AUTS2: variants seen among roughly 807,000 people sequenced by gnomAD.
The protein encoded by AUTS2 is activator of transcription and developmental regulator AUTS2.
A neutral mutation model predicts 112.4 loss-of-function variants in AUTS2; 17 were observed. The ratio of observed to expected loss-of-function variants is 0.15; its 90% confidence interval spans 0.10 to 0.23. AUTS2 has a LOEUF of 0.23. AUTS2 is among the 10% of genes least tolerant of loss of function. AUTS2 has a pLI of 1.00. For synonymous variants in AUTS2, 751 were observed against 702.7 expected, an observed-to-expected ratio of 1.07 and a Z score of -1.09; for missense variants, 1,510 against 1,701.6, an observed-to-expected ratio of 0.89 and a Z score of 1.98.
chr7:69,599,632 G>A lies in AUTS2; in HGVS notation c.-22G>A. 1 of 1,276,614 alleles carries A rather than the reference G, an allele frequency of 7.8e-7. No homozygotes were observed. Among genetic ancestry groups the A allele is most frequent in the Non-Finnish European group, 9.9e-7 (1 of 1,013,476 alleles). 79.1% of individuals were successfully genotyped at this position (1,276,614 alleles called of 1,614,324 possible). On this transcript the variant is annotated 5_prime_UTR_variant, in exon 1 of 19. Transcript: ENST00000342771. The surrounding 1 kb of genome is among the most constrained non-coding windows in gnomAD (Gnocchi z 7.0). Reference sequence around the variant, plus strand: ...CCGTAGCCTGTGGCGGGCAAGCGGGGAGACCCCGGCGCAGCAGAACCATGG... The same window carrying A: ...CCGTAGCCTGTGGCGGGCAAGCGGGAAGACCCCGGCGCAGCAGAACCATGG...
intron 2 of AUTS2, among the ~76,000 whole-genome samples, chr7:69,995,045 C>T (rs1366713920): frequency 2.0e-5 from 3 of 152,074 alleles, no homozygotes; most frequent in East Asian, 1.9e-4. Context: ...TTAATAAGCC[C>T]TCTGTTACTG....
chr7:70,320,099 CT>C (rs1462608212), intron 4 of AUTS2, among the ~76,000 whole-genome samples: 1 of 152,146 alleles, frequency 6.6e-6, no homozygotes, highest in Non-Finnish European at 1.5e-5. Context: ...GGGATGCAGA[CT>C]TTTTCTTTTT....
chr7:70,595,905 C>T (rs1563064912), intron 5 of AUTS2, among the ~76,000 whole-genome samples: 1 of 152,158 alleles, frequency 6.6e-6, no homozygotes. Context: ...TTCGGGGCGG[C>T]CCTCCCCGCC....
Position 70,702,045 on chromosome 7 carries a change from T to C in AUTS2, c.742+3425T>C, listed in dbSNP as rs60361269. Among the ~76,000 whole-genome samples, 679 of 152,378 alleles carry C rather than the reference T, an allele frequency of 4.5e-3. 6 individuals are homozygous for C. Among genetic ancestry groups the C allele is most frequent in the African/African-American group, 0.016 (651 of 41,590 alleles). The stretch of plus-strand genomic sequence containing the variant: ...GTATTTATTATCCTCTCTTGCCTAC[T>C]GTAGATCCTTGCTGGTGTCACCAGT... On this transcript the variant is annotated intron_variant, in intron 6 of 18. Transcript: ENST00000342771.
At position 70,790,600 on chromosome 7, in the gene AUTS2, C is replaced by A; in HGVS notation, c.3384C>A (p.His1128Gln). ...AGCCTCACGACTACAGCCACCACCACCACCACCACCACCACCCGCTGTCTG... is the reference window on the plus strand; with the variant it reads ...AGCCTCACGACTACAGCCACCACCAACACCACCACCACCACCCGCTGTCTG... ...DREPHDYSHH[H>Q]HHHHHPLSVD... Residue 1128 changes from histidine to glutamine, a missense_variant, in exon 19 of 19, where the codon CAC (histidine) becomes CAA (glutamine). Around this residue, in one of 3 missense-constraint regions of AUTS2, gnomAD observed 788 missense variants for 797.6 expected, o/e 0.99. Coordinates refer to ENST00000342771, the MANE Select transcript of AUTS2 (RefSeq NM_015570.4). This position sits in a 1 kb window ranked among gnomAD's most constrained non-coding sequence, Gnocchi z 7.6. The A allele has an allele frequency of 6.2e-7, 1 of 1,604,664 alleles. No individual in the cohort carries two copies.
Position 70,364,826 on chromosome 7 carries a change from A to G in AUTS2, c.661-70926A>G, listed in dbSNP as rs538295019. Among the ~76,000 whole-genome samples, 6 of 152,302 alleles carry G rather than the reference A, an allele frequency of 3.9e-5. No individual in the cohort carries two copies. The East Asian group carries it at 1.2e-3, about 29-fold the overall frequency. On this transcript the variant is annotated intron_variant, in intron 4 of 18. Coordinates refer to ENST00000342771, the MANE Select transcript of AUTS2 (RefSeq NM_015570.4). ...CAGAAGCAGAACCAGTTGTGTAAAC[A>G]CTGACCAATGTGTTCAATGTAGTTT...
rs147239613 is a variant in AUTS2 at position 69,830,876 on chromosome 7, G to C, written c.310-68410G>C. Among the ~76,000 whole-genome samples, 505 of 152,322 alleles carry C rather than the reference G, an allele frequency of 3.3e-3. 3 individuals carry two copies. The highest frequency in any genetic ancestry group is 0.01 in the Middle Eastern group (3 of 294). Reference sequence around the variant, plus strand: ...CATTTTTCATTGTTGAGCCTGAGGAGAGTTTCGAAGGTGACTTGAAGGTAT... The same window carrying C: ...CATTTTTCATTGTTGAGCCTGAGGACAGTTTCGAAGGTGACTTGAAGGTAT... On this transcript the variant is annotated intron_variant, in intron 1 of 18. Transcript: ENST00000342771.
chr7:69,827,463 TA>T (rs909049225), intron 1 of AUTS2, among the ~76,000 whole-genome samples: 1 of 151,898 alleles, frequency 6.6e-6, no homozygotes, highest in Admixed American at 6.6e-5. Context: ...AAAAAACCCC[TA>T]AAAAAACCCT....
chr7:70,292,335 A>G (rs990733204), intron 4 of AUTS2: 3 of 152,262 alleles, frequency 2.0e-5, no homozygotes, highest in African/African-American at 7.2e-5. Context: ...GCGTATGTGA[A>G]AGTACAGTTG....
rs763898324 is a variant in AUTS2, at chr7:69,599,853, C to G, written c.200C>G (p.Pro67Arg). Reference protein sequence around the residue: ...EDNGKPPSSAPSRPRPPRRKR... With the variant: ...EDNGKPPSSARSRPRPPRRKR... ...AATGGGAAGCCCCCGTCCTCCGCCC[C>G]GTCCCGGCCCAGACCCCCGCGGAGG... The change falls in exon 1 of 19, where the codon CCG (proline) becomes CGG (arginine). Residue 67 changes from proline to arginine, a missense_variant. Physicochemically the swap from Pro to Arg is moderately radical, Grantham distance 103. Around this residue, in one of 3 missense-constraint regions of AUTS2, gnomAD observed 535 missense variants for 594.3 expected, o/e 0.90. Transcript: ENST00000342771. The surrounding 1 kb of genome is among the most constrained non-coding windows in gnomAD (Gnocchi z 7.0). 3.1e-6 allele frequency: 5 copies of G among 1,612,872 alleles called. No individual in the cohort carries two copies. Among genetic ancestry groups the G allele is most frequent in the Non-Finnish European group, 4.2e-6 (5 of 1,179,726 alleles).
intron 4 of AUTS2, among the ~76,000 whole-genome samples, chr7:70,408,167 C>T (rs1442482271): frequency 6.7e-6 from 1 of 148,700 alleles, no homozygotes; most frequent in Non-Finnish European, 1.5e-5. Flanking sequence ...GGTGACAGAG[C>T]GAGACCCTGT....
chr7:70,150,612 TAAAG>T lies in AUTS2; in HGVS notation c.660+16044_660+16047del, dbSNP rs935114655. ...TAAGCTTACTGTGTGGCACATTTCTTAAAGAAGCTTTTCTGTGTTTAACTGTACA... is the reference window on the plus strand; with the variant it reads ...TAAGCTTACTGTGTGGCACATTTCTTAAGCTTTTCTGTGTTTAACTGTACA... On this transcript the variant is annotated intron_variant, in intron 4 of 18. Coordinates refer to ENST00000342771, the MANE Select transcript of AUTS2 (RefSeq NM_015570.4). Among the ~76,000 whole-genome samples the T allele has an allele frequency of 5.9e-5, 9 of 152,184 alleles. 1 individual carries two copies. Among genetic ancestry groups the T allele is most frequent in the African/African-American group, 2.2e-4 (9 of 41,454 alleles).
At chr7:70,052,293 G>T (rs1204994605) in intron 2 of AUTS2, among the ~76,000 whole-genome samples, 1 of 152,062 alleles carries the variant, frequency 6.6e-6, no homozygotes, top group Non-Finnish European at 1.5e-5. Flanking sequence ...CTGGCCAAGG[G>T]GGAATGACAG....
At chr7:69,918,634 A>G (rs573669118) in intron 2 of AUTS2, among the ~76,000 whole-genome samples, 1 of 152,320 alleles carries the variant, frequency 6.6e-6, no homozygotes, top group Admixed American at 6.5e-5. Flanking sequence ...ATATTGGCTT[A>G]TTTTTTAAAA....
chr7:69,889,966 T>G (rs1794447100), intron 1 of AUTS2, among the ~76,000 whole-genome samples: 2 of 152,218 alleles, frequency 1.3e-5, no homozygotes, highest in African/African-American at 4.8e-5. Flanking sequence ...GATGAGATTT[T>G]CTGCCTCAGT....
intron 1 of AUTS2, among the ~76,000 whole-genome samples, chr7:69,677,360 G>C (rs1043827682): frequency 1.3e-5 from 2 of 152,138 alleles, no homozygotes; most frequent in African/African-American, 4.8e-5. Flanking sequence ...TAAAGTTCAT[G>C]CTGAATATCT....
At chr7:70,577,831 A>ATT (rs34014636) in intron 5 of AUTS2, among the ~76,000 whole-genome samples, 14 of 147,178 alleles carry the variant, frequency 9.5e-5, no homozygotes, top group South Asian at 2.1e-4. Flanking sequence ...TTTTTTCTTT[A>ATT]TTTTTTTTTT....
intron 2 of AUTS2, among the ~76,000 whole-genome samples, chr7:69,991,915 G>A (rs541064287): frequency 6.6e-6 from 1 of 152,060 alleles, no homozygotes; most frequent in African/African-American, 2.4e-5. Context: ...TGTATCTGAG[G>A]GTAGAACATA....
At chr7:70,135,709 C>T (rs139905723) in intron 4 of AUTS2, among the ~76,000 whole-genome samples, 3 of 152,140 alleles carry the variant, frequency 2.0e-5, no homozygotes, top group Non-Finnish European at 4.4e-5. Flanking sequence ...TGATTTGGAC[C>T]TGCTTAATAC....
Sources: allele counts gnomAD v4.1 joint callset (sites outside exome capture counted in the v4.1 genomes callset), GRCh38; gene constraint gnomAD v4.1.1; regional missense constraint gnomAD v4.1.1; non-coding constraint Gnocchi (gnomAD v3.1); transcripts MANE v1.5; gene names NCBI Gene and HGNC (gene_info 2026-07-23, HGNC 2026-07-21).